The following PAPPA variants were observed in gnomAD, a reference collection of about 807,000 sequenced individuals.
PAPPA encodes the protein pappalysin 1, also known as pappalysin-1.
PAPPA carries 60 observed loss-of-function variants against 164.0 expected under a neutral mutation model. That is an observed-to-expected ratio of 0.37 (90% CI 0.30 to 0.45). The LOEUF (loss-of-function observed/expected upper bound fraction) is 0.45, where lower values mean the gene tolerates loss of function less well. Among genes scored for constraint, PAPPA ranks in the 20% least tolerant of loss-of-function variants. PAPPA has a pLI of 1.00. For synonymous variants in PAPPA, 875 were observed against 814.1 expected, an observed-to-expected ratio of 1.07 and a Z score of -1.27; for missense variants, 1,782 against 2,087.3, an observed-to-expected ratio of 0.85 and a Z score of 2.85.
At chr9:116,246,674 T>C (rs531997073) in intron 7 of PAPPA, among the ~76,000 whole-genome samples, 5 of 152,104 alleles carry the variant, frequency 3.3e-5, no homozygotes, top group African/African-American at 1.2e-4. Context: ...ATGATCAGAG[T>C]CTAGACATTG....
intron 10 of PAPPA, among the ~76,000 whole-genome samples, chr9:116,326,098 T>C (rs147152264): frequency 2.0e-4 from 31 of 152,226 alleles, no homozygotes; most frequent in African/African-American, 7.0e-4. Flanking sequence ...CAATGGTACA[T>C]AGGCTTTCTA....
chr9:116,357,528 A>C (rs2118611273), intron 17 of PAPPA, among the ~76,000 whole-genome samples: 1 of 152,344 alleles, frequency 6.6e-6, no homozygotes, highest in South Asian at 2.1e-4. Context: ...GGGGAGGGTA[A>C]GTTCTTGCCC....
chr9:116,279,916 C>T (rs1230792287), intron 9 of PAPPA, among the ~76,000 whole-genome samples: 2 of 152,036 alleles, frequency 1.3e-5, no homozygotes, highest in Non-Finnish European at 2.9e-5. Context: ...GAAGGGAGTG[C>T]CCTGAGGGAA....
chr9:116,208,989 A>G (rs185491531), intron 3 of PAPPA, among the ~76,000 whole-genome samples: 22 of 152,304 alleles, frequency 1.4e-4, no homozygotes, highest in Admixed American at 5.2e-4. Flanking sequence ...GGGGAATGCT[A>G]CTGGCATCTA....
At chr9:116,192,960 C>G (rs1447163324) in intron 2 of PAPPA, among the ~76,000 whole-genome samples, 1 of 152,126 alleles carries the variant, frequency 6.6e-6, no homozygotes, top group African/African-American at 2.4e-5. Context: ...TGGACCCTTC[C>G]AAACCCTGGC....
rs973767303 is a variant in PAPPA at position 116,340,667 on chromosome 9, G to T, written c.3612-3876G>T. Among the ~76,000 whole-genome samples, 5 of 152,136 alleles carry T rather than the reference G, an allele frequency of 3.3e-5. No individual in the cohort carries two copies. In the East Asian group the frequency reaches 9.6e-4, roughly 29 times the overall value. On this transcript the variant is annotated intron_variant, in intron 13 of 21. Coordinates refer to ENST00000328252, the MANE Select transcript of PAPPA (RefSeq NM_002581.5). Reference sequence around the variant, plus strand: ...GAAAAAGCAAGATGCCTCAATCCCTGAAGTGTATTCTGGAAGGCAGTAGTC... The same window carrying T: ...GAAAAAGCAAGATGCCTCAATCCCTTAAGTGTATTCTGGAAGGCAGTAGTC...
intron 7 of PAPPA, among the ~76,000 whole-genome samples, chr9:116,265,593 T>A (rs1280612871): frequency 6.6e-6 from 1 of 152,170 alleles, no homozygotes; most frequent in African/African-American, 2.4e-5. Context: ...ATAGGTTAAA[T>A]TAAAGAAAAA....
intron 1 of PAPPA, among the ~76,000 whole-genome samples, chr9:116,185,330 A>G (rs185374181): frequency 1.3e-5 from 2 of 152,150 alleles, no homozygotes; most frequent in East Asian, 3.9e-4. Flanking sequence ...AGAGGTGTAG[A>G]TTGGCATAGA....
At chr9:116,370,683 C>T (rs760549947) in intron 19 of PAPPA, among the ~76,000 whole-genome samples, 1 of 152,212 alleles carries the variant, frequency 6.6e-6, no homozygotes, top group African/African-American at 2.4e-5. Context: ...TGTGGTCCAC[C>T]ACCGACACTT....
In PAPPA at chr9:116,187,705, G is replaced by A. The variant is rs758742841; in HGVS notation, c.967G>A (p.Glu323Lys). ...AHGFLLDTSL[E>K]PPLCGQTLCD... ...CGGCTTTCTGCTGGACACGAGTCTG[G>A]AGCCTCCTCTGTGCGGACAGACATT... Residue 323 changes from glutamate (E) to lysine (K), a missense_variant, in exon 2 of 22, where the codon GAG becomes AAG. This residue lies in a region of PAPPA where 458 missense variants were observed against 430.3 expected (regional missense o/e 1.06). Transcript: ENST00000328252. This position sits in a 1 kb window ranked among gnomAD's most constrained non-coding sequence, Gnocchi z 4.2. 5.0e-6 allele frequency: 8 copies of A among 1,614,252 alleles called. No homozygotes were observed. The highest frequency in any genetic ancestry group is 3.3e-5 in the South Asian group (3 of 91,088).
chr9:116,203,912 G>A (rs187191066), intron 2 of PAPPA, among the ~76,000 whole-genome samples: 5 of 152,292 alleles, frequency 3.3e-5, no homozygotes, highest in African/African-American at 7.2e-5. Flanking sequence ...GAAAACTAGA[G>A]GTTCTCAGAA....
intron 1 of PAPPA, among the ~76,000 whole-genome samples, chr9:116,162,329 A>G (rs1403955171): frequency 6.6e-6 from 1 of 152,184 alleles, no homozygotes; most frequent in Non-Finnish European, 1.5e-5. Context: ...CGATACACAC[A>G]CACATACTCA....
intron 13 of PAPPA, among the ~76,000 whole-genome samples, chr9:116,342,084 C>T (rs754294358): frequency 4.6e-5 from 7 of 152,174 alleles, no homozygotes; most frequent in Non-Finnish European, 8.8e-5. Context: ...GTCATCTTTC[C>T]CTCTGGGTCT....
At chr9:116,376,947 C>G (rs1846661562) in intron 19 of PAPPA, among the ~76,000 whole-genome samples, 1 of 152,146 alleles carries the variant, frequency 6.6e-6, no homozygotes, top group South Asian at 2.1e-4. Flanking sequence ...TGCTCTCAGA[C>G]TGTAGTGTGC....
intron 12 of PAPPA, among the ~76,000 whole-genome samples, chr9:116,333,804 C>T (rs935475181): frequency 6.6e-6 from 1 of 152,070 alleles, no homozygotes; most frequent in Non-Finnish European, 1.5e-5. Context: ...AGTCTGGTTC[C>T]ACAGGAGCTC....
intron 1 of PAPPA, among the ~76,000 whole-genome samples, chr9:116,178,289 G>A (rs915949556): frequency 7.9e-5 from 12 of 152,030 alleles, no homozygotes; most frequent in Admixed American, 5.9e-4. Flanking sequence ...TGTATTTTTA[G>A]TAGAGACAGG....
intron 5 of PAPPA, among the ~76,000 whole-genome samples, chr9:116,222,823 C>G (rs567374623): frequency 6.6e-6 from 1 of 152,108 alleles, no homozygotes; most frequent in East Asian, 1.9e-4. Flanking sequence ...ATATTTCAAA[C>G]TTGTGAAAAG....
chr9:116,320,851 C>A (rs1172204791), intron 10 of PAPPA, among the ~76,000 whole-genome samples: 1 of 152,054 alleles, frequency 6.6e-6, no homozygotes, highest in African/African-American at 2.4e-5. Flanking sequence ...GAATTAGAGG[C>A]ATAAGAGGGA....
chr9:116,393,801 C>T (rs1219931117), intron 21 of PAPPA, among the ~76,000 whole-genome samples: 1 of 152,072 alleles, frequency 6.6e-6, no homozygotes, highest in African/African-American at 2.4e-5. Context: ...AGTAGGAAAA[C>T]AGAGTATCTG....
Sources: allele counts gnomAD v4.1 joint callset (sites outside exome capture counted in the v4.1 genomes callset), GRCh38; gene constraint gnomAD v4.1.1; regional missense constraint gnomAD v4.1.1; non-coding constraint Gnocchi (gnomAD v3.1); transcripts MANE v1.5; gene names NCBI Gene and HGNC (gene_info 2026-07-23, HGNC 2026-07-21).